STPG2: variants seen among roughly 807,000 people sequenced by gnomAD.
STPG2 encodes the protein sperm-tail PG-rich repeat-containing protein 2.
STPG2 carries 56 observed loss-of-function variants against 54.2 expected under a neutral mutation model. The observed-to-expected ratio is 1.03, with a 90% confidence interval of 0.83 to 1.29. STPG2 has a LOEUF of 1.29. Among genes scored for constraint, STPG2 ranks in the 50% most tolerant of loss-of-function variants. The pLI is 0.00. For synonymous variants in STPG2, 200 were observed against 181.8 expected (o/e 1.10, Z -0.81); for missense variants, 596 against 544.9 (o/e 1.09, Z -0.93).
chr4:97,698,158 G>T (rs567426383), intron 10 of STPG2, among the ~76,000 whole-genome samples: 3 of 152,202 alleles, frequency 2.0e-5, no homozygotes, highest in Non-Finnish European at 4.4e-5. Context: ...ACCTCAGCAG[G>T]TCGTGGTTAT....
Position 97,773,108 on chromosome 4 carries a change from C to T in STPG2, c.1205-60294G>A, listed in dbSNP as rs1260772262. ...TACGTCAACAAACATTTTTATATGC[C>T]TTTTCTATTTTATGCTTTCTTAGTT... On this transcript the variant is annotated intron_variant, in intron 9 of 10. Coordinates refer to ENST00000295268, the MANE Select transcript of STPG2 (RefSeq NM_174952.3). Among the ~76,000 whole-genome samples, 4 of 151,986 alleles carry T rather than the reference C, an allele frequency of 2.6e-5. No individual in the cohort carries two copies. The East Asian group carries it at 7.7e-4, about 29-fold the overall frequency.
intron 7 of STPG2, among the ~76,000 whole-genome samples, chr4:97,972,016 C>T (rs1025162592): frequency 6.6e-6 from 1 of 152,004 alleles, no homozygotes; most frequent in Non-Finnish European, 1.5e-5. Flanking sequence ...CCTTTCTGAT[C>T]ACCTTCCCAT....
In STPG2 at chr4:98,143,330, T is replaced by C. The variant is rs1243276837; in HGVS notation, c.-180A>G. On this transcript the variant is annotated 5_prime_UTR_variant, in exon 1 of 11. Transcript: ENST00000295268. Reference sequence around the variant, plus strand: ...CCCCGCCCGCTCATTGATACCAGATTTCCTCAAATCGATTTCTAGCTCTGT... The same window carrying C: ...CCCCGCCCGCTCATTGATACCAGATCTCCTCAAATCGATTTCTAGCTCTGT... The C allele has an allele frequency of 1.0e-5, 6 of 582,380 alleles. No homozygotes were observed. In the Admixed American group the frequency reaches 1.8e-4, roughly 18 times the overall value. The allele number at this position is 582,380 out of a possible 1,614,324, so 36.1% of individuals were successfully genotyped here.
chr4:97,604,924 C>G (rs1733556459), intron 10 of STPG2, among the ~76,000 whole-genome samples: 1 of 151,642 alleles, frequency 6.6e-6, no homozygotes, highest in African/African-American at 2.4e-5. Context: ...CTCCTTTTCC[C>G]TCGTCTTCTT....
At chr4:97,625,653 T>A (rs1314055606) in intron 10 of STPG2, among the ~76,000 whole-genome samples, 1 of 152,198 alleles carries the variant, frequency 6.6e-6, no homozygotes, top group African/African-American at 2.4e-5. Flanking sequence ...GTGACTGTAT[T>A]TCTCAGTCTA....
intron 8 of STPG2, among the ~76,000 whole-genome samples, chr4:97,907,356 G>T (rs1264953462): frequency 6.6e-6 from 1 of 151,934 alleles, no homozygotes; most frequent in African/African-American, 2.4e-5. Flanking sequence ...CACTGCTCAA[G>T]GAAATAAAAG....
chr4:98,132,959 A>T (rs1316913770), intron 2 of STPG2, among the ~76,000 whole-genome samples: 1 of 151,102 alleles, frequency 6.6e-6, no homozygotes, highest in Non-Finnish European at 1.5e-5. Context: ...AAAAAAAAAA[A>T]AAAAAAAAAA....
At chr4:97,910,903 GAGA>G (rs1277920999) in intron 8 of STPG2, among the ~76,000 whole-genome samples, 3 of 152,188 alleles carry the variant, frequency 2.0e-5, no homozygotes, top group East Asian at 1.9e-4. Context: ...GGCTTTCACA[GAGA>G]AGAACAAAAA....
chr4:97,738,580 G>T (rs1725106542), intron 9 of STPG2, among the ~76,000 whole-genome samples: 1 of 152,142 alleles, frequency 6.6e-6, no homozygotes, highest in South Asian at 2.1e-4. Context: ...TGATAAAACA[G>T]ACTTCAAACC....
intron 9 of STPG2, among the ~76,000 whole-genome samples, chr4:97,768,765 G>A (rs1726133483): frequency 6.6e-6 from 1 of 151,428 alleles, no homozygotes; most frequent in Admixed American, 6.6e-5. Flanking sequence ...GTAGTGGCAC[G>A]ATCTCAGCTC....
chr4:98,110,110 A>G (rs547189776), intron 3 of STPG2, among the ~76,000 whole-genome samples: 5 of 152,292 alleles, frequency 3.3e-5, no homozygotes, highest in African/African-American at 9.6e-5. Context: ...TCCATAACAT[A>G]TAGTTTAACA....
chr4:97,761,193 C>T (rs546950826), intron 9 of STPG2, among the ~76,000 whole-genome samples: 30 of 152,254 alleles, frequency 2.0e-4, no homozygotes, highest in Non-Finnish European at 3.5e-4. Flanking sequence ...AATTCCAACT[C>T]ACAGTACTTC....
intron 10 of STPG2, among the ~76,000 whole-genome samples, chr4:97,636,272 A>C (rs571488986): frequency 0.011 from 1,534 of 145,932 alleles, 17 homozygotes; most frequent in African/African-American, 0.037. Flanking sequence ...AGGCAGAAAT[A>C]AAGATGTTCT....
intron 8 of STPG2, among the ~76,000 whole-genome samples, chr4:97,905,855 G>A (rs534934707): frequency 1.3e-4 from 20 of 152,004 alleles, no homozygotes; most frequent in Admixed American, 6.6e-4. Context: ...TCTCTGGGAC[G>A]CATTCAAAGC....
intron 5 of STPG2, among the ~76,000 whole-genome samples, chr4:98,026,832 A>C (rs1736438977): frequency 6.6e-6 from 1 of 152,180 alleles, no homozygotes; most frequent in Non-Finnish European, 1.5e-5. Context: ...CCCACTAAAG[A>C]CAGTACATTT....
chr4:97,743,961 G>A (rs531323739), intron 9 of STPG2, among the ~76,000 whole-genome samples: 1 of 151,526 alleles, frequency 6.6e-6, no homozygotes, highest in South Asian at 2.1e-4. Context: ...ATACAGTAGA[G>A]GATTAGAATA....
At chr4:97,873,266 TA>T in intron 8 of STPG2, among the ~76,000 whole-genome samples, 4 of 151,128 alleles carry the variant, frequency 2.6e-5, no homozygotes, top group African/African-American at 9.7e-5. Flanking sequence ...CTCCTTTCTC[TA>T]ATAATAAGAA....
At chr4:98,043,614 T>C (rs924057710) in intron 5 of STPG2, among the ~76,000 whole-genome samples, 2 of 151,828 alleles carry the variant, frequency 1.3e-5, no homozygotes, top group South Asian at 4.1e-4. Flanking sequence ...GCATATTATA[T>C]GCTATTGATG....
chr4:97,940,130 C>T (rs1433270091), intron 8 of STPG2, among the ~76,000 whole-genome samples: 3 of 150,348 alleles, frequency 2.0e-5, no homozygotes, highest in African/African-American at 7.3e-5. Flanking sequence ...TATAGGCCCC[C>T]AGTCTCTTGG....
Sources: gnomAD v4.1 joint callset for allele counts (sites outside exome capture counted in the v4.1 genomes callset) on GRCh38, gnomAD v4.1.1 for gene constraint, MANE v1.5 for transcripts, NCBI Gene and HGNC (gene_info 2026-07-23, HGNC 2026-07-21) for gene names.